Variants in TRPM3 observed in about 807,000 individuals in gnomAD.
TRPM3 encodes the protein long transient receptor potential channel 3.
A neutral mutation model predicts 181.2 loss-of-function variants in TRPM3; 77 were observed. That is an observed-to-expected ratio of 0.42 (90% confidence interval 0.35 to 0.51). TRPM3 has a LOEUF of 0.51. Among genes scored for constraint, TRPM3 ranks in the 20% least tolerant of loss-of-function variants. TRPM3 has a pLI of 0.01. For missense variants in TRPM3, 1,759 were observed against 2,196.7 expected, an observed-to-expected ratio of 0.80 and a Z score of 3.98; for synonymous variants, 745 against 796.4, an observed-to-expected ratio of 0.94 and a Z score of 1.09.
chr9:70,536,667 T>A lies in TRPM3; in HGVS notation c.4446A>T (p.Arg1482Ser), dbSNP rs1199315449. The change falls in exon 26 of 26, where the codon AGA (arginine) becomes AGT (serine). Residue 1482 changes from arginine (R) to serine (S), a missense_variant. Physicochemically the swap from Arg to Ser is moderately radical, Grantham distance 110. Transcript: ENST00000677713. The stretch of plus-strand genomic sequence containing the variant: ...GGTGGGTGTAGTCTGAAGAAAAAGA[T>A]CTAGTGTCCATGGAGGTGATGTCCT... ...DFEDITSMDT[R>S]SFSSDYTHLP... The A allele has an allele frequency of 6.2e-7, 1 of 1,613,962 alleles. No individual in the cohort carries two copies. The highest frequency in any genetic ancestry group is 8.5e-7 in the Non-Finnish European group (1 of 1,180,038).
chr9:71,205,324 C>A (rs1021040427), intron 1 of TRPM3, among the ~76,000 whole-genome samples: 7 of 151,996 alleles, frequency 4.6e-5, no homozygotes, highest in Non-Finnish European at 2.9e-5. Context: ...GAAATAAGTA[C>A]TATTTTTACT....
intron 4 of TRPM3, among the ~76,000 whole-genome samples, chr9:70,844,324 C>A (rs550870225): frequency 6.6e-6 from 1 of 152,098 alleles, no homozygotes; most frequent in African/African-American, 2.4e-5. Context: ...AATAACAAAA[C>A]GGTGTAAATG....
rs5898150 is a variant in TRPM3, at chr9:70,545,548, C to CTTTTTTTTTTT, written c.3707+3983_3707+3993dup. ...AGAGAAAAGAATTTTAATTTTCTTTCTTTTTTTTTTTTTTTTGAAGTGGAG... is the reference window on the plus strand; with the variant it reads ...AGAGAAAAGAATTTTAATTTTCTTTCTTTTTTTTTTTTTTTTTTTTTTTTTTTGAAGTGGAG... On this transcript the variant is annotated intron_variant, in intron 25 of 25. Transcript: ENST00000677713. 4.2e-3 allele frequency among the ~76,000 whole-genome samples: 474 copies of CTTTTTTTTTTT among 113,224 alleles called. 11 individuals carry two copies. Among genetic ancestry groups the CTTTTTTTTTTT allele is most frequent in the Non-Finnish European group, 5.0e-3 (285 of 57,506 alleles). The allele number at this position is 113,224 out of a possible 152,430, so 74.3% of individuals were successfully genotyped here. A position where few individuals can be genotyped will look rare whatever the true frequency, so the allele number is the denominator to read the frequency against.
rs146003888 is a variant in TRPM3, at chr9:70,855,967, T to C, written c.462+6941A>G. Among the ~76,000 whole-genome samples the C allele has an allele frequency of 6.4e-4, 97 of 152,328 alleles. No individual in the cohort carries two copies. The Middle Eastern group carries it at 0.017, about 27-fold the overall frequency. On this transcript the variant is annotated intron_variant, in intron 3 of 25. Coordinates refer to ENST00000677713, the MANE Select transcript of TRPM3 (RefSeq NM_001366145.2). ...CAAAACTCTGGAATTGGAGGTGTTA[T>C]TGTAATTTATTCCATATTGTTTTTG...
At chr9:71,006,946 A>G (rs539398679) in intron 1 of TRPM3, among the ~76,000 whole-genome samples, 2 of 147,142 alleles carry the variant, frequency 1.4e-5, no homozygotes, top group African/African-American at 5.0e-5. Context: ...GGCTGAGGCA[A>G]GAGAATCACT....
chr9:70,976,079 A>G (rs963237080), intron 1 of TRPM3, among the ~76,000 whole-genome samples: 1 of 152,160 alleles, frequency 6.6e-6, no homozygotes, highest in Non-Finnish European at 1.5e-5. Flanking sequence ...TTTCAGTGCA[A>G]TCACTTAGTG....
intron 1 of TRPM3, among the ~76,000 whole-genome samples, chr9:71,302,229 G>A (rs1462929468): frequency 6.6e-6 from 1 of 151,972 alleles, no homozygotes; most frequent in Non-Finnish European, 1.5e-5. Context: ...AAAAGTTATT[G>A]CAAATACTCT....
chr9:70,686,599 TCCC>T lies in TRPM3; in HGVS notation c.1273-5024_1273-5022del, dbSNP rs1563993060. Among the ~76,000 whole-genome samples, 65 of 43,246 alleles carry T rather than the reference TCCC, an allele frequency of 1.5e-3. No homozygotes were observed. The South Asian group carries it at 0.057, about 38-fold the overall frequency. 28.4% of individuals were successfully genotyped at this position (43,246 alleles called of 152,430 possible). A position where few individuals can be genotyped will look rare whatever the true frequency, so the allele number is the denominator to read the frequency against. ...ACCCCTCCCTCCCTCCCTCCCTCCC[TCCC>T]TCCCTCCCGCCCTTCCTGGAAACTC... On this transcript the variant is annotated intron_variant, in intron 8 of 25. Coordinates refer to ENST00000677713, the MANE Select transcript of TRPM3 (RefSeq NM_001366145.2).
chr9:71,100,817 A>G (rs1347810520), intron 1 of TRPM3, among the ~76,000 whole-genome samples: 1 of 152,140 alleles, frequency 6.6e-6, no homozygotes. Flanking sequence ...GCCTTACACA[A>G]AGTAAATGCT....
intron 14 of TRPM3, among the ~76,000 whole-genome samples, chr9:70,624,046 A>G (rs1355705779): frequency 1.3e-5 from 2 of 152,174 alleles, no homozygotes; most frequent in African/African-American, 4.8e-5. Context: ...TAAGAAAAAA[A>G]TTGGGATTCT....
At chr9:71,266,786 T>C (rs1335255299) in intron 1 of TRPM3, among the ~76,000 whole-genome samples, 2 of 152,144 alleles carry the variant, frequency 1.3e-5, no homozygotes, top group Admixed American at 1.3e-4. Context: ...CTCTCCTCAG[T>C]CCCTGGTAAT....
chr9:70,783,309 AT>A (rs2082869427), intron 7 of TRPM3, among the ~76,000 whole-genome samples: 1 of 152,116 alleles, frequency 6.6e-6, no homozygotes, highest in Non-Finnish European at 1.5e-5. Context: ...AATTGATTGG[AT>A]TAGGAAGTTC....
intron 1 of TRPM3, among the ~76,000 whole-genome samples, chr9:70,889,211 G>A (rs752511584): frequency 1.2e-4 from 18 of 152,126 alleles, no homozygotes; most frequent in Non-Finnish European, 2.1e-4. Flanking sequence ...GGGACAAATG[G>A]TTGAAAGTCT....
At chr9:70,778,489 T>G (rs2081881092) in intron 7 of TRPM3, among the ~76,000 whole-genome samples, 1 of 152,182 alleles carries the variant, frequency 6.6e-6, no homozygotes, top group Non-Finnish European at 1.5e-5. Flanking sequence ...AAATAACCCT[T>G]TTTATAGATA....
chr9:70,803,336 C>A (rs182483155), intron 6 of TRPM3, among the ~76,000 whole-genome samples: 2 of 152,164 alleles, frequency 1.3e-5, no homozygotes, highest in Admixed American at 1.3e-4. Flanking sequence ...TGAAGGAAAC[C>A]AGAATATTCC....
intron 1 of TRPM3, among the ~76,000 whole-genome samples, chr9:71,175,812 G>C (rs1355378139): frequency 6.6e-6 from 1 of 152,194 alleles, no homozygotes; most frequent in Non-Finnish European, 1.5e-5. Context: ...GTAATTTTAT[G>C]TCATGCAATG....
intron 1 of TRPM3, among the ~76,000 whole-genome samples, chr9:71,371,281 A>G (rs754509980): frequency 9.9e-5 from 15 of 152,156 alleles, no homozygotes; most frequent in Non-Finnish European, 1.9e-4. Context: ...ACAGATTGTG[A>G]TTTTTCTGAT....
chr9:71,133,308 T>TTTTTTTTTTTG, intron 1 of TRPM3, among the ~76,000 whole-genome samples: 1 of 122,144 alleles, frequency 8.2e-6, no homozygotes, highest in African/African-American at 2.7e-5. Context: ...TTTTTTTTTT[T>TTTTTTTTTTTG]TTTGAGACAG....
intron 22 of TRPM3, among the ~76,000 whole-genome samples, chr9:70,583,585 T>C (rs2056477856): frequency 6.6e-6 from 1 of 152,206 alleles, no homozygotes; most frequent in Non-Finnish European, 1.5e-5. Context: ...CAAGGTTATA[T>C]CAAGAGTTCA....
Sources: allele counts gnomAD v4.1 joint callset (sites outside exome capture counted in the v4.1 genomes callset), GRCh38; gene constraint gnomAD v4.1.1; transcripts MANE v1.5; gene names NCBI Gene and HGNC (gene_info 2026-07-23, HGNC 2026-07-21).